Variants in PGF observed in about 807,000 individuals in gnomAD.
PGF encodes the protein placental growth factor, also known as placenta growth factor.
In PGF, 11 loss-of-function variants were observed where a neutral mutation model predicts 25.3. That is an observed-to-expected ratio of 0.43 (90% CI 0.27 to 0.72). The LOEUF (loss-of-function observed/expected upper bound fraction) is 0.72. PGF is among the 30% of genes least tolerant of loss of function. The probability of loss-of-function intolerance (pLI) is 0.18; values close to 1 mark genes in which losing one functional copy is unlikely to be tolerated. For synonymous variants in PGF, 105 were observed against 97.9 expected (o/e 1.07, Z -0.43); for missense variants, 230 against 234.9 (o/e 0.98, Z 0.14).
At chr14:74,954,637 G>A (rs570860393) in intron 1 of PGF, among the ~76,000 whole-genome samples, 15 of 152,022 alleles carry the variant, frequency 9.9e-5, no homozygotes, top group South Asian at 2.1e-4. Context: ...CAGGACCTCC[G>A]GCCACCCACC....
At chr14:74,947,724 C>T (rs908637144) in intron 4 of PGF, 1 of 152,280 alleles carries the variant, frequency 6.6e-6, no homozygotes, top group Non-Finnish European at 1.5e-5. Flanking sequence ...CAAGTGCCTC[C>T]TGCGGGGCTA....
intron 6 of PGF, chr14:74,945,144 C>T (rs1888701165): frequency 6.6e-6 from 1 of 152,154 alleles, no homozygotes; most frequent in Non-Finnish European, 1.5e-5. Context: ...TGGCCTCGAA[C>T]TTCTGACCTC....
intron 4 of PGF, 79 bp downstream of exon 4, chr14:74,948,428 G>T: frequency 1.2e-6 from 1 of 867,208 alleles, no homozygotes; most frequent in Non-Finnish European, 1.9e-6. Context: ...CTTTGCCTCT[G>T]CCCTGGGACC....
intron 2 of PGF, 60 bp from the exon 3 acceptor site, chr14:74,949,613 A>T: frequency 7.4e-7 from 1 of 1,357,600 alleles, no homozygotes. Flanking sequence ...GAAGCCCTAA[A>T]CCTGGCTCCC....
In PGF at chr14:74,955,111, T is replaced by G; in HGVS notation, c.75+57A>C. 3.1e-6 allele frequency: 3 copies of G among 980,126 alleles called. No individual in the cohort carries two copies. Among genetic ancestry groups the G allele is most frequent in the Non-Finnish European group, 2.9e-6 (2 of 700,372 alleles). The allele number at this position is 980,126 out of a possible 1,614,324, so 60.7% of individuals were successfully genotyped here. On this transcript the variant is annotated intron_variant, in intron 1 of 6. Coordinates refer to ENST00000555567, the MANE Select transcript of PGF (RefSeq NM_002632.6). This position sits in a 1 kb window ranked among gnomAD's most constrained non-coding sequence, Gnocchi z 4.1. ...GGTCTGTGATTTCAGAGTCCCATGC[T>G]TCCAGTGCTGGGATGGGGAGGTCTG...
rs967587557 is a variant in PGF, at chr14:74,942,350, G to C, written c.*356C>G. 1 of 292,138 alleles carries C rather than the reference G, an allele frequency of 3.4e-6. No individual in the cohort carries two copies. Among genetic ancestry groups the C allele is most frequent in the Non-Finnish European group, 6.4e-6 (1 of 155,448 alleles). 18.1% of individuals were successfully genotyped at this position (292,138 alleles called of 1,614,324 possible). On this transcript the variant is annotated 3_prime_UTR_variant, in exon 7 of 7. Coordinates refer to ENST00000555567, the MANE Select transcript of PGF (RefSeq NM_002632.6). ...AGCAAGGGCTGCTTGTCTGTGCAGAGCCTGAGGCCCAAGAACAGGTAGCAG... is the reference window on the plus strand; with the variant it reads ...AGCAAGGGCTGCTTGTCTGTGCAGACCCTGAGGCCCAAGAACAGGTAGCAG...
intron 6 of PGF, 192 bp downstream of exon 6, chr14:74,946,021 T>C (rs1359446388): frequency 3.4e-6 from 2 of 594,858 alleles, no homozygotes; most frequent in Non-Finnish European, 6.0e-6. Flanking sequence ...AACCTAGGGC[T>C]AAGCCGGGAC....
chr14:74,946,221 G>A lies in PGF; in HGVS notation c.477C>T (p.Asp159=), dbSNP rs1400365707. ...GGACCCCGCACACTCACAGGTGGCAGTCTGTGGGTCTCTGCTTCTCTCTCC... is the reference window on the plus strand; with the variant it reads ...GGACCCCGCACACTCACAGGTGGCAATCTGTGGGTCTCTGCTTCTCTCTCC... ...KRRREKQRPT[D]CHLCGDAVPR... The change falls in exon 6 of 7, where the codon GAC becomes GAT. Residue 159 remains aspartate, a synonymous_variant. Transcript: ENST00000555567. The A allele has an allele frequency of 6.2e-7, 1 of 1,613,950 alleles. No homozygotes were observed. The highest frequency in any genetic ancestry group is 8.5e-7 in the Non-Finnish European group (1 of 1,179,866).
chr14:74,948,518 G>A lies in PGF; in HGVS notation c.381C>T (p.Arg127=). 1.3e-6 allele frequency: 2 copies of A among 1,595,906 alleles called. No homozygotes were observed. Among genetic ancestry groups the A allele is most frequent in the Non-Finnish European group, 1.7e-6 (2 of 1,165,958 alleles). The change falls in exon 4 of 7, where the codon CGC becomes CGT. Residue 127 remains arginine, a synonymous_variant. Coordinates refer to ENST00000555567, the MANE Select transcript of PGF (RefSeq NM_002632.6). The stretch of plus-strand genomic sequence containing the variant: ...CCCCGGAGACCTACCGGCATTCGCA[G>A]CGAACGTGCTGAGAGAACGTCAGCT... ...YVELTFSQHV[R]CECRPLREKM...
chr14:74,942,844 G>T, intron 6 of PGF, 111 bp from the exon 7 acceptor site: 1 of 981,836 alleles, frequency 1.0e-6, no homozygotes, highest in Non-Finnish European at 1.5e-6. Flanking sequence ...CAGGGAGCAT[G>T]GGGAGGGCGC....
chr14:74,954,691 C>T (rs1888944893), intron 1 of PGF, among the ~76,000 whole-genome samples: 1 of 152,224 alleles, frequency 6.6e-6, no homozygotes, highest in Admixed American at 6.5e-5. Flanking sequence ...GTCCCCAGCC[C>T]ACCCAGGAGC....
chr14:74,944,158 A>G (rs997164687), intron 6 of PGF, among the ~76,000 whole-genome samples: 27 of 141,580 alleles, frequency 1.9e-4, no homozygotes, highest in African/African-American at 7.0e-4. Flanking sequence ...GCTGGAGTGC[A>G]GTGGCGTGAT....
chr14:74,953,281 G>T lies in PGF; in HGVS notation c.118+623C>A, dbSNP rs985886227. Among the ~76,000 whole-genome samples, 4 of 152,248 alleles carry T rather than the reference G, an allele frequency of 2.6e-5. No homozygotes were observed. Among genetic ancestry groups the T allele is most frequent in the African/African-American group, 7.2e-5 (3 of 41,462 alleles). ...CACTTTGCACGTCTTGGAGAGGCAG[G>T]GAGGGAGGAGCGAGGTAGGGGGCCT... is the stretch of plus-strand genomic sequence containing the variant. On this transcript the variant is annotated intron_variant, in intron 2 of 6. Transcript: ENST00000555567. This position sits in a 1 kb window ranked among gnomAD's most constrained non-coding sequence, Gnocchi z 5.4.
Position 74,950,388 on chromosome 14 carries a change from G to A in PGF, c.119-835C>T, listed in dbSNP as rs1888846386. Among the ~76,000 whole-genome samples the A allele has an allele frequency of 6.6e-6, 1 of 152,186 alleles. No homozygotes were observed. Among genetic ancestry groups the A allele is most frequent in the African/African-American group, 2.4e-5 (1 of 41,434 alleles). On this transcript the variant is annotated intron_variant, in intron 2 of 6. Coordinates refer to ENST00000555567, the MANE Select transcript of PGF (RefSeq NM_002632.6). The surrounding 1 kb of genome is among the most constrained non-coding windows in gnomAD (Gnocchi z 4.1). The stretch of plus-strand genomic sequence containing the variant: ...ACAACCAACTCGAGGCTCCATGAGG[G>A]CAGAGATGGACGTACCCGTAAACAC...
rs1000346229 is a variant in PGF at position 74,953,222 on chromosome 14, T to C, written c.118+682A>G. 4.6e-5 allele frequency among the ~76,000 whole-genome samples: 7 copies of C among 152,110 alleles called. No individual in the cohort carries two copies. Among genetic ancestry groups the C allele is most frequent in the Admixed American group, 2.6e-4 (4 of 15,282 alleles). On this transcript the variant is annotated intron_variant, in intron 2 of 6. Coordinates refer to ENST00000555567, the MANE Select transcript of PGF (RefSeq NM_002632.6). This position sits in a 1 kb window ranked among gnomAD's most constrained non-coding sequence, Gnocchi z 5.4. ...ATGTCCCTACATGCCCACTCTCCCA[T>C]GGCGCAGGGGAAACCTCAGCGGTGG...
At chr14:74,948,246 CCCT>C (rs1255838255) in intron 4 of PGF, 1 of 374,996 alleles carries the variant, frequency 2.7e-6, no homozygotes, top group Non-Finnish European at 4.8e-6. Context: ...GAGGGACCCA[CCCT>C]CTCTCTTCCC....
chr14:74,949,651 C>A (rs888944331), intron 2 of PGF, 98 bp from the exon 3 acceptor site: 1 of 935,246 alleles, frequency 1.1e-6, no homozygotes, highest in South Asian at 2.0e-5. Flanking sequence ...CCAGGTTCAG[C>A]CCCCAGCCCC....
chr14:74,946,080 G>T, intron 6 of PGF, 133 bp downstream of exon 6: 3 of 732,890 alleles, frequency 4.1e-6, no homozygotes, highest in South Asian at 1.6e-5. Flanking sequence ...TCTTGAGGAG[G>T]TGCAGCTCCC....
At chr14:74,944,258 A>AC (rs911009207) in intron 6 of PGF, among the ~76,000 whole-genome samples, 67 of 151,864 alleles carry the variant, frequency 4.4e-4, no homozygotes, top group African/African-American at 1.6e-3. Context: ...ACCCACCACC[A>AC]CACCCGGCTA....
Sources: allele counts gnomAD v4.1 joint callset (sites outside exome capture counted in the v4.1 genomes callset), GRCh38; gene constraint gnomAD v4.1.1; non-coding constraint Gnocchi (gnomAD v3.1); transcripts MANE v1.5; gene names NCBI Gene and HGNC (gene_info 2026-07-23, HGNC 2026-07-21).